ARHGAP24: variants seen among roughly 807,000 people sequenced by gnomAD.
The protein encoded by ARHGAP24 is Rho GTPase activating protein 24.
In ARHGAP24, 50 loss-of-function variants were observed where a neutral mutation model predicts 76.4. The ratio of observed to expected loss-of-function variants is 0.65; its 90% confidence interval spans 0.52 to 0.83. The LOEUF (loss-of-function observed/expected upper bound fraction) is 0.83, where lower values mean the gene tolerates loss of function less well. Ranked by LOEUF, ARHGAP24 falls within the 40% of genes least tolerant of loss-of-function variation. ARHGAP24 has a pLI of 0.00. For missense variants in ARHGAP24, 930 were observed against 914.2 expected (o/e 1.02, Z -0.22); for synonymous variants, 345 against 323.3 (o/e 1.07, Z -0.72).
intron 3 of ARHGAP24, among the ~76,000 whole-genome samples, chr4:85,734,494 G>A (rs1475004879): frequency 6.6e-6 from 1 of 152,098 alleles, no homozygotes; most frequent in Admixed American, 6.6e-5. Flanking sequence ...GGGAGCACTT[G>A]ATACATCTTA....
chr4:85,485,367 AAAAAAAAAAATATATATATAT>A (rs1722994078), intron 1 of ARHGAP24, among the ~76,000 whole-genome samples: 1 of 62,868 alleles, frequency 1.6e-5, no homozygotes, highest in Admixed American at 2.4e-4. Context: ...AAAAAAAAAA[AAAAAAAAAAATATATATATAT>A]ATATATATAT....
chr4:85,732,823 A>G (rs554610432), intron 3 of ARHGAP24, among the ~76,000 whole-genome samples: 1 of 150,364 alleles, frequency 6.7e-6, no homozygotes, highest in South Asian at 2.1e-4. Flanking sequence ...CCTCCTGAGT[A>G]GCTGGGATTA....
intron 3 of ARHGAP24, among the ~76,000 whole-genome samples, chr4:85,770,137 C>A (rs139298182): frequency 4.4e-4 from 67 of 152,266 alleles, no homozygotes; most frequent in Admixed American, 1.6e-3. Flanking sequence ...AGGAACTTGT[C>A]AAAGAATACA....
intron 2 of ARHGAP24, among the ~76,000 whole-genome samples, chr4:85,687,859 TG>T (rs1248740480): frequency 1.3e-5 from 2 of 152,110 alleles, no homozygotes; most frequent in African/African-American, 4.8e-5. Context: ...TTGCCCAGGC[TG>T]GAGTGCAGTG....
At chr4:85,534,794 G>A (rs1199288069) in intron 1 of ARHGAP24, among the ~76,000 whole-genome samples, 2 of 152,006 alleles carry the variant, frequency 1.3e-5, no homozygotes, top group East Asian at 3.9e-4. Context: ...TAACCTAATG[G>A]AAGTGGAAGT....
intron 2 of ARHGAP24, among the ~76,000 whole-genome samples, chr4:85,627,978 C>T (rs1375319222): frequency 6.6e-6 from 1 of 152,186 alleles, no homozygotes; most frequent in Admixed American, 6.5e-5. Flanking sequence ...CGTCTATCAC[C>T]CCTGTCTTTG....
chr4:85,594,775 C>T (rs1264336195), intron 2 of ARHGAP24, among the ~76,000 whole-genome samples: 1 of 152,036 alleles, frequency 6.6e-6, no homozygotes, highest in East Asian at 1.9e-4. Flanking sequence ...CTAGTTCATT[C>T]ACCAATGTCT....
intron 2 of ARHGAP24, among the ~76,000 whole-genome samples, chr4:85,719,209 C>A (rs1327729541): frequency 6.6e-6 from 1 of 152,078 alleles, no homozygotes; most frequent in Admixed American, 6.6e-5. Context: ...CAATGAGTAT[C>A]TTCAAAGTAT....
chr4:85,896,705 A>G lies in ARHGAP24; in HGVS notation c.269-26943A>G, dbSNP rs139826317. Among the ~76,000 whole-genome samples, 763 of 152,218 alleles carry G rather than the reference A, an allele frequency of 5.0e-3. 7 individuals carry two copies. The highest frequency in any genetic ancestry group is 0.017 in the African/African-American group (726 of 41,554). On this transcript the variant is annotated intron_variant, in intron 3 of 9. Coordinates refer to ENST00000395184, the MANE Select transcript of ARHGAP24 (RefSeq NM_001025616.3). Reference sequence around the variant, plus strand: ...GGCCGTAGCAGTGTTTCATGCTTGCATTTCAATTGTCCTCTCAGCCCCCAA... The same window carrying G: ...GGCCGTAGCAGTGTTTCATGCTTGCGTTTCAATTGTCCTCTCAGCCCCCAA...
At chr4:85,873,072 G>C (rs575409598) in intron 3 of ARHGAP24, among the ~76,000 whole-genome samples, 2 of 152,310 alleles carry the variant, frequency 1.3e-5, no homozygotes, top group South Asian at 4.1e-4. Context: ...AAAGGCTGCA[G>C]TGTGTGATGG....
chr4:85,727,858 G>A (rs1415144210), intron 3 of ARHGAP24, among the ~76,000 whole-genome samples: 1 of 151,984 alleles, frequency 6.6e-6, no homozygotes, highest in Non-Finnish European at 1.5e-5. Context: ...AAAAGTAGGA[G>A]GTGTTCTTTC....
intron 7 of ARHGAP24, among the ~76,000 whole-genome samples, chr4:85,976,358 T>A (rs1739326229): frequency 6.6e-6 from 1 of 152,168 alleles, no homozygotes; most frequent in African/African-American, 2.4e-5. Flanking sequence ...TCCGGTGGGT[T>A]CAAGTCTTAG....
At chr4:85,720,149 G>A (rs1724875909) in intron 2 of ARHGAP24, among the ~76,000 whole-genome samples, 1 of 152,076 alleles carries the variant, frequency 6.6e-6, no homozygotes. Flanking sequence ...AGCATTAGGA[G>A]ATATACCTAA....
intron 3 of ARHGAP24, among the ~76,000 whole-genome samples, chr4:85,764,320 G>T (rs1726847051): frequency 6.6e-6 from 1 of 152,070 alleles, no homozygotes; most frequent in Admixed American, 6.6e-5. Context: ...TTTTACTGTT[G>T]TTCTCCCCTG....
intron 2 of ARHGAP24, among the ~76,000 whole-genome samples, chr4:85,629,304 T>G (rs1721080883): frequency 4.6e-5 from 7 of 152,234 alleles, no homozygotes; most frequent in Admixed American, 4.6e-4. Flanking sequence ...TTTAATATAT[T>G]GTGTATCCAT....
intron 3 of ARHGAP24, among the ~76,000 whole-genome samples, chr4:85,805,271 C>T (rs1041630711): frequency 6.6e-6 from 1 of 152,154 alleles, no homozygotes; most frequent in Admixed American, 6.5e-5. Flanking sequence ...CACCCATTCC[C>T]CTTGCGTCCT....
intron 3 of ARHGAP24, among the ~76,000 whole-genome samples, chr4:85,770,865 T>C (rs1389082598): frequency 3.3e-5 from 5 of 152,200 alleles, no homozygotes; most frequent in African/African-American, 1.2e-4. Context: ...CATATAAGAA[T>C]GTCCTCACCT....
At chr4:85,828,631 T>C (rs1729839418) in intron 3 of ARHGAP24, among the ~76,000 whole-genome samples, 1 of 152,206 alleles carries the variant, frequency 6.6e-6, no homozygotes, top group African/African-American at 2.4e-5. Flanking sequence ...TATTTGAATT[T>C]TGTAACCTTA....
intron 1 of ARHGAP24, among the ~76,000 whole-genome samples, chr4:85,513,923 G>A (rs1326143821): frequency 5.9e-5 from 9 of 151,998 alleles, no homozygotes; most frequent in Non-Finnish European, 1.2e-4. Context: ...TCTACTTGAC[G>A]ACTGTCATGA....
Sources: allele counts gnomAD v4.1 joint callset (sites outside exome capture counted in the v4.1 genomes callset), GRCh38; gene constraint gnomAD v4.1.1; transcripts MANE v1.5; gene names NCBI Gene and HGNC (gene_info 2026-07-23, HGNC 2026-07-21).